Variants in SNTG1 observed in about 807,000 individuals in gnomAD.
SNTG1 encodes the protein gamma-1-syntrophin.
Under a neutral mutation model 74.7 loss-of-function variants are expected in SNTG1, and 39 were observed. The ratio of observed to expected loss-of-function variants is 0.52; its 90% CI spans 0.40 to 0.68. The LOEUF is 0.68. Ranked by LOEUF, SNTG1 falls within the 30% of genes least tolerant of loss-of-function variation. SNTG1 has a pLI of 0.00. For missense variants in SNTG1, 685 were observed against 609.5 expected, an observed-to-expected ratio of 1.12 and a Z score of -1.30; for synonymous variants, 254 against 217.1, an observed-to-expected ratio of 1.17 and a Z score of -1.49.
At chr8:50,113,725 A>G (rs771541903) in intron 1 of SNTG1, among the ~76,000 whole-genome samples, 76 of 152,240 alleles carry the variant, frequency 5.0e-4, no homozygotes, top group Non-Finnish European at 9.7e-4. Flanking sequence ...TGGGTTTGTC[A>G]TAAATAGCTT....
intron 2 of SNTG1, among the ~76,000 whole-genome samples, chr8:50,293,057 T>C (rs1337217269): frequency 6.6e-6 from 1 of 152,150 alleles, no homozygotes; most frequent in Non-Finnish European, 1.5e-5. Flanking sequence ...ATTGTGTTCA[T>C]ACAAAGTGTT....
chr8:50,199,827 C>T (rs2083919360), intron 2 of SNTG1, among the ~76,000 whole-genome samples: 1 of 152,092 alleles, frequency 6.6e-6, no homozygotes, highest in Non-Finnish European at 1.5e-5. Flanking sequence ...CACGTGGTTT[C>T]AGTTTCATCA....
At chr8:50,141,462 G>T (rs1344342072) in intron 1 of SNTG1, among the ~76,000 whole-genome samples, 3 of 152,128 alleles carry the variant, frequency 2.0e-5, no homozygotes, top group African/African-American at 7.2e-5. Context: ...AACAAAAATT[G>T]TGACTACTAA....
At position 50,530,274 on chromosome 8, in the gene SNTG1, G is replaced by A. The variant is rs748847909; in HGVS notation, c.549+15G>A. The stretch of plus-strand genomic sequence containing the variant: ...CCAACAATACAGTAAGATGACCCAG[G>A]CATAGCTCAGATTAATAAGGAGATA... On this transcript the variant is annotated intron_variant, in intron 10 of 18. Coordinates refer to ENST00000642720, the MANE Select transcript of SNTG1 (RefSeq NM_018967.5). 9.9e-6 allele frequency: 16 copies of A among 1,610,950 alleles called. No homozygotes were observed. In the East Asian group the frequency reaches 1.8e-4, roughly 18 times the overall value.
chr8:50,389,317 T>A (rs891333581), intron 2 of SNTG1, among the ~76,000 whole-genome samples: 1 of 152,120 alleles, frequency 6.6e-6, no homozygotes, highest in African/African-American at 2.4e-5. Context: ...ACTGAGCACA[T>A]GAATGATTGG....
At chr8:50,588,342 A>C (rs1229197586) in intron 12 of SNTG1, among the ~76,000 whole-genome samples, 4 of 152,048 alleles carry the variant, frequency 2.6e-5, no homozygotes, top group African/African-American at 4.8e-5. Flanking sequence ...CACCAGGAAA[A>C]ATTTCTGAAT....
intron 3 of SNTG1, among the ~76,000 whole-genome samples, chr8:50,399,884 G>A (rs1295255585): frequency 6.6e-6 from 1 of 152,190 alleles, no homozygotes; most frequent in Non-Finnish European, 1.5e-5. Flanking sequence ...CTGGTTTCAT[G>A]AGCACTTGTG....
At chr8:50,075,641 A>T (rs1397425028) in intron 1 of SNTG1, among the ~76,000 whole-genome samples, 3 of 152,172 alleles carry the variant, frequency 2.0e-5, no homozygotes, top group Non-Finnish European at 4.4e-5. Context: ...TACGCTGTGG[A>T]GCTTTGTTCT....
At position 50,091,731 on chromosome 8, in the gene SNTG1, C is replaced by A. The variant is rs190992585; in HGVS notation, c.-102-80830C>A. ...TTGTTTATGTTTTTCTTGAGAATAA[C>A]CTGCCTGATGATATCCCTGAAGAAT... is the stretch of plus-strand genomic sequence containing the variant. On this transcript the variant is annotated intron_variant, in intron 1 of 18. Transcript: ENST00000642720. Among the ~76,000 whole-genome samples, 175 of 152,104 alleles carry A rather than the reference C, an allele frequency of 1.2e-3. 1 individual carries two copies. The highest frequency in any genetic ancestry group is 4.6e-4 in the Non-Finnish European group (31 of 67,982).
chr8:50,379,251 C>T (rs915169573), intron 2 of SNTG1, among the ~76,000 whole-genome samples: 3 of 152,150 alleles, frequency 2.0e-5, no homozygotes, highest in South Asian at 2.1e-4. Context: ...GACTTTGCTC[C>T]GAGATCAGAG....
chr8:50,217,027 G>C (rs986232630), intron 2 of SNTG1, among the ~76,000 whole-genome samples: 13 of 151,368 alleles, frequency 8.6e-5, no homozygotes, highest in African/African-American at 3.1e-4. Flanking sequence ...ATATTTATAA[G>C]TTTATTAGTA....
chr8:50,420,838 A>G (rs1332423439), intron 4 of SNTG1, among the ~76,000 whole-genome samples: 2 of 151,934 alleles, frequency 1.3e-5, no homozygotes, highest in Non-Finnish European at 2.9e-5. Flanking sequence ...CATCTTGGCC[A>G]ACATGGTGAA....
intron 1 of SNTG1, among the ~76,000 whole-genome samples, chr8:50,108,635 CTTCT>C (rs765947795): frequency 6.6e-6 from 1 of 152,102 alleles, no homozygotes; most frequent in African/African-American, 2.4e-5. Context: ...GATTTAGTAT[CTTCT>C]TTCTTTGTGA....
intron 17 of SNTG1, among the ~76,000 whole-genome samples, chr8:50,724,002 C>A (rs1335493378): frequency 6.6e-6 from 1 of 151,882 alleles, no homozygotes; most frequent in Non-Finnish European, 1.5e-5. Context: ...TTGCTTTTTT[C>A]CAAGAACATA....
chr8:50,219,445 A>G (rs1160286741), intron 2 of SNTG1, among the ~76,000 whole-genome samples: 1 of 152,194 alleles, frequency 6.6e-6, no homozygotes, highest in Non-Finnish European at 1.5e-5. Flanking sequence ...CTGTTCTCAT[A>G]TCGCTACAGA....
At chr8:49,961,718 G>T (rs1434300918) in intron 1 of SNTG1, among the ~76,000 whole-genome samples, 1 of 152,168 alleles carries the variant, frequency 6.6e-6, no homozygotes, top group Non-Finnish European at 1.5e-5. Context: ...GAAAGCATCT[G>T]CGGAGGCAGC....
chr8:50,634,348 T>A (rs892116301), intron 13 of SNTG1, among the ~76,000 whole-genome samples: 2 of 152,212 alleles, frequency 1.3e-5, no homozygotes, highest in Non-Finnish European at 2.9e-5. Flanking sequence ...ATTGTCTGGG[T>A]CATGCATCCG....
chr8:50,540,226 CA>C (rs1192711777), intron 11 of SNTG1, among the ~76,000 whole-genome samples: 1 of 152,160 alleles, frequency 6.6e-6, no homozygotes, highest in Non-Finnish European at 1.5e-5. Context: ...TTAAAAAATT[CA>C]TTTGATAATG....
At chr8:50,250,403 A>G (rs1408074780) in intron 2 of SNTG1, among the ~76,000 whole-genome samples, 1 of 152,180 alleles carries the variant, frequency 6.6e-6, no homozygotes, top group Non-Finnish European at 1.5e-5. Flanking sequence ...TAGTAAACAT[A>G]CTTATAGCTG....
Sources: gnomAD v4.1 joint callset for allele counts (sites outside exome capture counted in the v4.1 genomes callset) on GRCh38, gnomAD v4.1.1 for gene constraint, MANE v1.5 for transcripts, NCBI Gene and HGNC (gene_info 2026-07-23, HGNC 2026-07-21) for gene names.